UBE2R2: variants seen among roughly 807,000 people sequenced by gnomAD.
The protein encoded by UBE2R2 is ubiquitin conjugating enzyme E2 R2.
A neutral mutation model predicts 27.8 loss-of-function variants in UBE2R2; 1 was observed. The observed-to-expected ratio is 0.04, with a 90% CI of 0.01 to 0.17. The LOEUF is 0.17. Ranked by LOEUF, UBE2R2 falls within the 10% of genes least tolerant of loss-of-function variation. The probability of loss-of-function intolerance (pLI) is 1.00; values close to 1 mark genes in which losing one functional copy is unlikely to be tolerated. For missense variants in UBE2R2, 100 were observed against 291.0 expected, an observed-to-expected ratio of 0.34 and a Z score of 4.78; for synonymous variants, 106 against 113.3, an observed-to-expected ratio of 0.94 and a Z score of 0.41.
Position 33,918,818 on chromosome 9 carries a change from C to T in UBE2R2, c.*1581C>T, listed in dbSNP as rs72727327. On this transcript the variant is annotated 3_prime_UTR_variant, in exon 5 of 5. Transcript: ENST00000263228. Reference sequence around the variant, plus strand: ...AAAGAACCAAAGGGCAGATTAGGGACGGGGCAGGAGGGATCCTAGGATGGC... The same window carrying T: ...AAAGAACCAAAGGGCAGATTAGGGATGGGGCAGGAGGGATCCTAGGATGGC... 12,507 of 152,652 alleles carry T rather than the reference C, an allele frequency of 0.082. 746 individuals are homozygous for T. The highest frequency in any genetic ancestry group is 0.12 in the Non-Finnish European group (8,168 of 68,030). The allele number at this position is 152,652 out of a possible 1,614,324, so 9.5% of individuals were successfully genotyped here.
At chr9:33,871,409 AGTCCATTGTCAGG>A (rs1821481315) in intron 1 of UBE2R2, among the ~76,000 whole-genome samples, 7 of 152,226 alleles carry the variant, frequency 4.6e-5, no homozygotes, top group Admixed American at 3.9e-4. Context: ...GGGTACACTT[AGTCCATTGTCAGG>A]GTGAGTTGAA....
chr9:33,901,164 A>G (rs774711562), intron 3 of UBE2R2, among the ~76,000 whole-genome samples: 9 of 152,110 alleles, frequency 5.9e-5, no homozygotes, highest in Non-Finnish European at 8.8e-5. Context: ...TTTGATGACA[A>G]TTTTGGGGGG....
intron 1 of UBE2R2, among the ~76,000 whole-genome samples, chr9:33,856,072 A>G (rs1164680999): frequency 1.3e-5 from 2 of 152,148 alleles, no homozygotes; most frequent in African/African-American, 4.8e-5. Flanking sequence ...ACAAAACCTT[A>G]TACTAGCAGG....
At chr9:33,815,281 G>A (rs1161802281), upstream of UBE2R2, among the ~76,000 whole-genome samples, 1 of 152,200 alleles carries the variant, frequency 6.6e-6, no homozygotes, top group Non-Finnish European at 1.5e-5. Flanking sequence ...ACAGCAAAAG[G>A]TCAGTAGGTA....
intron 2 of UBE2R2, among the ~76,000 whole-genome samples, chr9:33,897,611 C>G (rs1339198183): frequency 2.0e-5 from 3 of 151,732 alleles, no homozygotes; most frequent in Non-Finnish European, 4.4e-5. Context: ...AGCCACTGCA[C>G]CTGGCCAGAA....
At chr9:33,851,337 C>A (rs979149330) in intron 1 of UBE2R2, among the ~76,000 whole-genome samples, 1 of 152,132 alleles carries the variant, frequency 6.6e-6, no homozygotes, top group Non-Finnish European at 1.5e-5. Flanking sequence ...TTATTATCAA[C>A]AATTATGAAG....
At chr9:33,844,629 T>G (rs548690428) in intron 1 of UBE2R2, among the ~76,000 whole-genome samples, 16 of 152,062 alleles carry the variant, frequency 1.1e-4, no homozygotes, top group East Asian at 3.9e-4. Context: ...CTTGGTGGTG[T>G]TGTTCCAAAC....
At chr9:33,853,507 A>G (rs1186044312) in intron 1 of UBE2R2, among the ~76,000 whole-genome samples, 1 of 151,568 alleles carries the variant, frequency 6.6e-6, no homozygotes, top group Non-Finnish European at 1.5e-5. Flanking sequence ...CTGGTCTCGA[A>G]CTCCCAGCCT....
At chr9:33,816,894 C>T (rs1751794183), upstream of UBE2R2, among the ~76,000 whole-genome samples, 2 of 152,246 alleles carry the variant, frequency 1.3e-5, no homozygotes, top group Admixed American at 6.5e-5. Context: ...ACGGCAATCC[C>T]TGCGCCCGCC....
intron 1 of UBE2R2, among the ~76,000 whole-genome samples, chr9:33,864,467 CT>C (rs1398911169): frequency 3.3e-5 from 5 of 152,180 alleles, no homozygotes; most frequent in Non-Finnish European, 7.3e-5. Context: ...ATTGAATCAA[CT>C]ATTTAAAAAG....
intron 1 of UBE2R2, among the ~76,000 whole-genome samples, chr9:33,835,283 A>G (rs1820593516): frequency 1.3e-5 from 2 of 150,054 alleles, no homozygotes; most frequent in South Asian, 4.3e-4. Context: ...AGTAGTTGGG[A>G]CTACAGGCAC....
intron 1 of UBE2R2, among the ~76,000 whole-genome samples, chr9:33,855,179 C>T (rs1327775662): frequency 6.6e-6 from 1 of 152,188 alleles, no homozygotes; most frequent in Non-Finnish European, 1.5e-5. Flanking sequence ...TTTAGCAGTA[C>T]ATACTGCCCC....
chr9:33,910,874 G>A (rs867184859), intron 3 of UBE2R2, among the ~76,000 whole-genome samples: 9 of 152,082 alleles, frequency 5.9e-5, no homozygotes, highest in African/African-American at 1.9e-4. Context: ...AGGCCAAGGC[G>A]GGCAGTTCAC....
intron 1 of UBE2R2, among the ~76,000 whole-genome samples, chr9:33,823,437 G>C (rs1050879969): frequency 4.0e-5 from 6 of 151,876 alleles, no homozygotes; most frequent in Non-Finnish European, 8.8e-5. Context: ...GTGCAGTGGC[G>C]CGATCTTGGC....
At chr9:33,907,480 CCT>C (rs1822378950) in intron 3 of UBE2R2, among the ~76,000 whole-genome samples, 1 of 152,066 alleles carries the variant, frequency 6.6e-6, no homozygotes, top group African/African-American at 2.4e-5. Context: ...ACTCTCTGGC[CCT>C]CATTCTTATC....
In UBE2R2 at chr9:33,831,485, C is replaced by T. The variant is rs193085592; in HGVS notation, c.177+13551C>T. 5.9e-3 allele frequency among the ~76,000 whole-genome samples: 893 copies of T among 151,864 alleles called. 6 individuals are homozygous for T. The highest frequency in any genetic ancestry group is 0.02 in the African/African-American group (845 of 41,406). Reference sequence around the variant, plus strand: ...AGGCTGGAGTGCAGTGGCGCCATCTCGGCTCACTGCAACCTCCACCTCCCA... The same window carrying T: ...AGGCTGGAGTGCAGTGGCGCCATCTTGGCTCACTGCAACCTCCACCTCCCA... On this transcript the variant is annotated intron_variant, in intron 1 of 4. Coordinates refer to ENST00000263228, the MANE Select transcript of UBE2R2 (RefSeq NM_017811.4).
At chr9:33,832,794 C>T (rs1359340110) in intron 1 of UBE2R2, among the ~76,000 whole-genome samples, 1 of 151,442 alleles carries the variant, frequency 6.6e-6, no homozygotes, top group Non-Finnish European at 1.5e-5. Flanking sequence ...TTTAAGTAGT[C>T]AGGTTTATGG....
At chr9:33,885,509 A>T (rs1429871783) in intron 1 of UBE2R2, among the ~76,000 whole-genome samples, 2 of 152,198 alleles carry the variant, frequency 1.3e-5, no homozygotes, top group African/African-American at 4.8e-5. Context: ...TTTCTAGGGA[A>T]CCATTAGAAA....
chr9:33,900,383 T>C (rs2130809726), intron 3 of UBE2R2, 112 bp downstream of exon 3: 1 of 711,070 alleles, frequency 1.4e-6, no homozygotes, highest in South Asian at 1.9e-5. Flanking sequence ...CTTTCTTATA[T>C]TCAGTTTCTT....
Sources: gnomAD v4.1 joint callset for allele counts (sites outside exome capture counted in the v4.1 genomes callset) on GRCh38, gnomAD v4.1.1 for gene constraint, MANE v1.5 for transcripts, NCBI Gene and HGNC (gene_info 2026-07-23, HGNC 2026-07-21) for gene names.